Variants in PRH1 observed in about 807,000 individuals in gnomAD.
The protein encoded by PRH1 is proline rich protein HaeIII subfamily 1.
Under a neutral mutation model 7.9 loss-of-function variants are expected in PRH1, and 7 were observed. The observed-to-expected ratio is 0.89, with a 90% CI of 0.50 to 1.67. The LOEUF (loss-of-function observed/expected upper bound fraction) is 1.67, where lower values mean the gene tolerates loss of function less well. PRH1 is among the 40% of genes most tolerant of loss of function. The pLI is 0.00. For synonymous variants in PRH1, 45 were observed against 80.8 expected (o/e 0.56, Z 2.38); for missense variants, 109 against 223.6 (o/e 0.49, Z 3.27).
In PRH1 at chr12:11,076,098, G is replaced by A. The variant is rs796849965; in HGVS notation, n.124-28910C>T. On this transcript the variant is annotated intron_variant and non_coding_transcript_variant, in intron 1 of 4. Transcript: ENST00000541977. ...GGATGTAATATATATATATATATCA[G>A]ATGAGGAGTTGACTTATTTTAAGTT... Among the ~76,000 whole-genome samples, 2 of 71,550 alleles carry A rather than the reference G, an allele frequency of 2.8e-5. 1 individual carries two copies. The highest frequency in any genetic ancestry group is 7.3e-5 in the Non-Finnish European group (2 of 27,366). The allele number at this position is 71,550 out of a possible 152,430, so 46.9% of individuals were successfully genotyped here. A position where few individuals can be genotyped will look rare whatever the true frequency, so the allele number is the denominator to read the frequency against.
At chr12:11,061,380 C>CT in intron 1 of PRH1, 1 of 1,613,162 alleles carries the variant, frequency 6.2e-7, no homozygotes, top group Non-Finnish European at 8.5e-7. Flanking sequence ...AAGATGAAGG[C>CT]TTCTCTCCTT....
intron 1 of PRH1, chr12:11,021,509 A>G (rs1941625962): frequency 4.2e-6 from 2 of 478,724 alleles, no homozygotes; most frequent in Non-Finnish European, 7.1e-6. Flanking sequence ...AAATATATAT[A>G]TGACTTTTCT....
intron 1 of PRH1, among the ~76,000 whole-genome samples, chr12:11,142,251 G>A (rs974882076): frequency 2.6e-5 from 4 of 152,170 alleles, no homozygotes; most frequent in African/African-American, 9.7e-5. Flanking sequence ...TTCAGCACAA[G>A]GAGAGTCTTT....
intron 2 of PRH1, among the ~76,000 whole-genome samples, chr12:10,933,626 A>G (rs890286710): frequency 6.6e-6 from 1 of 152,130 alleles, no homozygotes; most frequent in African/African-American, 2.4e-5. Context: ...ATCTCAAAAG[A>G]TGCCAACGTT....
At chr12:11,125,722 T>C (rs1450509951) in intron 1 of PRH1, among the ~76,000 whole-genome samples, 5 of 146,190 alleles carry the variant, frequency 3.4e-5, no homozygotes, top group Admixed American at 6.9e-5. Flanking sequence ...ATATTGGAAA[T>C]TCACTAATTT....
chr12:11,063,742 C>A (rs571491251), intron 1 of PRH1, among the ~76,000 whole-genome samples: 1 of 152,120 alleles, frequency 6.6e-6, no homozygotes, highest in East Asian at 1.9e-4. Flanking sequence ...AAGGTTTGTT[C>A]TTGTGAGGTC....
At chr12:11,039,721 T>A (rs1276145012) in intron 1 of PRH1, among the ~76,000 whole-genome samples, 3 of 152,374 alleles carry the variant, frequency 2.0e-5, no homozygotes, top group Admixed American at 2.0e-4. Context: ...TTTAAGGTTT[T>A]CTTGGGAACC....
At chr12:11,097,150 A>C in intron 1 of PRH1, 1 of 182,056 alleles carries the variant, frequency 5.5e-6, no homozygotes, top group Non-Finnish European at 1.3e-5. Context: ...AACAATCATT[A>C]AAATATCAAA....
chr12:11,139,913 G>GT (rs1303270724), intron 1 of PRH1, among the ~76,000 whole-genome samples: 5 of 151,970 alleles, frequency 3.3e-5, no homozygotes, highest in African/African-American at 7.2e-5. Flanking sequence ...AATAAGTAAC[G>GT]TAAGAGTAAT....
chr12:11,145,764 T>A (rs114131867), intron 1 of PRH1, among the ~76,000 whole-genome samples: 68,817 of 151,506 alleles, frequency 0.45, 16,360 homozygotes, highest in Non-Finnish European at 0.52. Flanking sequence ...ATTAAGAACT[T>A]TTTTTTTGTA....
At chr12:11,047,149 C>G (rs552779576) in exon 1 of PRH1, 39 of 435,840 alleles carry the variant, frequency 8.9e-5, no homozygotes, top group Middle Eastern at 6.8e-4. Flanking sequence ...GCCTTCTTGT[C>G]ACATGTGCCC....
chr12:10,997,460 A>C, intron 1 of PRH1: 1 of 1,614,048 alleles, frequency 6.2e-7, no homozygotes, highest in East Asian at 2.2e-5. Flanking sequence ...ACAAACCAAA[A>C]AGAACAAAGA....
intron 1 of PRH1, chr12:11,034,843 T>C (rs1252976900): frequency 6.5e-6 from 1 of 152,906 alleles, no homozygotes; most frequent in African/African-American, 2.4e-5. Flanking sequence ...GCCATGATCC[T>C]ACCACTGAAC....
At chr12:10,930,442 A>C (rs917920718) in intron 2 of PRH1, 2 of 1,462,196 alleles carry the variant, frequency 1.4e-6, no homozygotes, top group African/African-American at 2.9e-5. Flanking sequence ...GTTTTCTCCC[A>C]ACCTTGATTC....
rs1044947558 is a variant in PRH1, at chr12:10,893,348, A to G, written c.-58-9073T>C. Among the ~76,000 whole-genome samples, 4 of 152,354 alleles carry G rather than the reference A, an allele frequency of 2.6e-5. No homozygotes were observed. The East Asian group carries it at 7.7e-4, about 29-fold the overall frequency. The stretch of plus-strand genomic sequence containing the variant: ...CACACTTACATTATGATGTAAACTC[A>G]TATTATGGTTATCACAAGTAATACT... On this transcript the variant is annotated intron_variant, in intron 2 of 3. Coordinates refer to the PRH1 transcript ENST00000539853.
chr12:11,150,079 T>C (rs1198305970), intron 1 of PRH1, among the ~76,000 whole-genome samples: 2 of 149,886 alleles, frequency 1.3e-5, no homozygotes, highest in Non-Finnish European at 3.0e-5. Flanking sequence ...ATGCTCATCA[T>C]CACTGGCCAT....
chr12:11,021,929 C>G, intron 1 of PRH1: 1 of 1,614,180 alleles, frequency 6.2e-7, no homozygotes. Context: ...TCTTGAGATC[C>G]TTTGCTATGG....
intron 2 of PRH1, among the ~76,000 whole-genome samples, chr12:10,954,733 T>G (rs1937868888): frequency 6.6e-6 from 1 of 152,160 alleles, no homozygotes; most frequent in Admixed American, 6.5e-5. Context: ...CACCTCAGCC[T>G]CCTGAAGTGC....
rs774701659 is a variant in PRH1 at position 11,022,328 on chromosome 12, T to C, written c.-126+24692A>G. 3.1e-6 allele frequency: 5 copies of C among 1,614,166 alleles called. No homozygotes were observed. The Admixed American group carries it at 6.7e-5, about 22-fold the overall frequency. ...ACAGCCCAGGCATTAGAAGCAACAA[T>C]TCTTACTTCTAAACCATATAAAGCA... On this transcript the variant is annotated intron_variant, in intron 1 of 3. Coordinates refer to the PRH1 transcript ENST00000539853.
Sources: allele counts gnomAD v4.1 joint callset (sites outside exome capture counted in the v4.1 genomes callset), GRCh38; gene constraint gnomAD v4.1.1; transcripts MANE v1.5; gene names NCBI Gene and HGNC (gene_info 2026-07-23, HGNC 2026-07-21).